Variants in NECAB1 observed in about 807,000 individuals in gnomAD.
NECAB1 encodes N-terminal EF-hand calcium binding protein 1.
In NECAB1, 29 loss-of-function variants were observed where a neutral mutation model predicts 57.5. The ratio of observed to expected loss-of-function variants is 0.50; its 90% CI spans 0.38 to 0.69. The LOEUF (loss-of-function observed/expected upper bound fraction) is 0.69, where lower values mean the gene tolerates loss of function less well. NECAB1 is among the 30% of genes least tolerant of loss of function. The pLI, the probability that NECAB1 is intolerant of heterozygous loss-of-function variation, is 0.00. For missense variants in NECAB1, 372 were observed against 413.8 expected, an observed-to-expected ratio of 0.90 and a Z score of 0.88; for synonymous variants, 142 against 147.7, an observed-to-expected ratio of 0.96 and a Z score of 0.28.
At chr8:90,940,589 T>C (rs1225548598) in intron 9 of NECAB1, 197 bp from the exon 10 acceptor site, 2 of 510,564 alleles carry the variant, frequency 3.9e-6, no homozygotes, top group East Asian at 6.0e-5. Context: ...CTTCTGGGAC[T>C]AGAGGCAAGG....
intron 2 of NECAB1, among the ~76,000 whole-genome samples, chr8:90,823,950 A>G (rs897942895): frequency 1.3e-5 from 2 of 151,630 alleles, no homozygotes; most frequent in African/African-American, 4.8e-5. Context: ...TGTTTCTTCC[A>G]TCTCTGCTGA....
intron 2 of NECAB1, among the ~76,000 whole-genome samples, chr8:90,821,318 C>G (rs923082476): frequency 2.6e-5 from 4 of 151,894 alleles, no homozygotes; most frequent in African/African-American, 9.7e-5. Flanking sequence ...GAAAGCAAGT[C>G]TTATCCACAC....
At chr8:90,867,908 A>G (rs1808550529) in intron 3 of NECAB1, among the ~76,000 whole-genome samples, 2 of 152,002 alleles carry the variant, frequency 1.3e-5, no homozygotes, top group African/African-American at 4.8e-5. Flanking sequence ...GTTTGGCTCT[A>G]TGTCCCCACT....
chr8:90,890,772 C>A (rs148721889), intron 5 of NECAB1, among the ~76,000 whole-genome samples: 1 of 152,110 alleles, frequency 6.6e-6, no homozygotes, highest in African/African-American at 2.4e-5. Context: ...AGTTTATTCA[C>A]GGGTTCAGCA....
intron 8 of NECAB1, among the ~76,000 whole-genome samples, chr8:90,931,903 C>CA (rs1439927683): frequency 2.0e-4 from 29 of 141,790 alleles, no homozygotes; most frequent in Non-Finnish European, 1.5e-5. Flanking sequence ...AACTCCATCT[C>CA]AAAAAAATAA....
At position 90,834,986 on chromosome 8, in the gene NECAB1, CT is replaced by C. The variant is rs1380539475; in HGVS notation, c.233+10175del. Reference sequence around the variant, plus strand: ...TCTCATGAAAGCTTTCCCTGACTTTCTTTTTTTTTTTTTTAAAAAAGAGCCC... The same window carrying C: ...TCTCATGAAAGCTTTCCCTGACTTTCTTTTTTTTTTTTTAAAAAAGAGCCC... On this transcript the variant is annotated intron_variant, in intron 3 of 12. Transcript: ENST00000417640. Among the ~76,000 whole-genome samples the C allele has an allele frequency of 9.8e-3, 1,181 of 120,960 alleles. 5 individuals are homozygous for C. The highest frequency in any genetic ancestry group is 0.014 in the Non-Finnish European group (853 of 59,600). 79.4% of individuals were successfully genotyped at this position (120,960 alleles called of 152,430 possible). A position where few individuals can be genotyped will look rare whatever the true frequency, so the allele number is the denominator to read the frequency against.
chr8:90,922,486 ATT>A lies in NECAB1; in HGVS notation c.495-3026_495-3025del, dbSNP rs577951495. On this transcript the variant is annotated intron_variant, in intron 6 of 12. Transcript: ENST00000417640. ...ACCACCAAAGCTGCCAAAAACTTGG[ATT>A]TTTTTTTTTTTTTTTTTTTTTTGAG... Among the ~76,000 whole-genome samples the A allele has an allele frequency of 2.0e-3, 116 of 57,508 alleles. 1 individual carries two copies. The highest frequency in any genetic ancestry group is 3.7e-3 in the South Asian group (5 of 1,356). 37.7% of individuals were successfully genotyped at this position (57,508 alleles called of 152,430 possible).
intron 3 of NECAB1, among the ~76,000 whole-genome samples, chr8:90,835,213 G>A (rs896278843): frequency 6.6e-6 from 1 of 152,112 alleles, no homozygotes; most frequent in African/African-American, 2.4e-5. Flanking sequence ...ATAGTGTTTA[G>A]CACATATTGC....
chr8:90,868,614 C>T (rs973729467), intron 3 of NECAB1, among the ~76,000 whole-genome samples: 18 of 152,056 alleles, frequency 1.2e-4, no homozygotes, highest in Non-Finnish European at 1.5e-4. Context: ...GGATATCTGG[C>T]GGAAGAAATT....
At chr8:90,891,954 A>C (rs1809186145) in intron 5 of NECAB1, among the ~76,000 whole-genome samples, 1 of 152,114 alleles carries the variant, frequency 6.6e-6, no homozygotes. Flanking sequence ...TTGGCCTCCC[A>C]CATTGCTAGG....
rs1554575442 is a variant in NECAB1, at chr8:90,917,870, A to ATG, written c.494+253_494+254dup. 5.3e-3 allele frequency among the ~76,000 whole-genome samples: 339 copies of ATG among 64,256 alleles called. 8 individuals carry two copies. Among genetic ancestry groups the ATG allele is most frequent in the South Asian group, 6.2e-3 (13 of 2,110 alleles). 42.2% of individuals were successfully genotyped at this position (64,256 alleles called of 152,430 possible). A position where few individuals can be genotyped will look rare whatever the true frequency, so the allele number is the denominator to read the frequency against. The stretch of plus-strand genomic sequence containing the variant: ...TATATATATATATATATATATATAT[A>ATG]TGTGTGTGTGTGCGTGTATATATAT... On this transcript the variant is annotated intron_variant, in intron 6 of 12. Coordinates refer to ENST00000417640, the MANE Select transcript of NECAB1 (RefSeq NM_022351.5).
At chr8:90,805,984 T>A (rs1227699397) in intron 2 of NECAB1, among the ~76,000 whole-genome samples, 2 of 152,186 alleles carry the variant, frequency 1.3e-5, no homozygotes, top group Non-Finnish European at 2.9e-5. Flanking sequence ...TCTCTGCTTC[T>A]ACGAGTTCAA....
chr8:90,792,750 A>G (rs897550854), intron 1 of NECAB1, among the ~76,000 whole-genome samples: 11 of 152,026 alleles, frequency 7.2e-5, no homozygotes, highest in Admixed American at 2.0e-4. Context: ...TGTGGTTTCT[A>G]TCTTTACAGC....
chr8:90,953,238 G>A (rs536438937), intron 12 of NECAB1, among the ~76,000 whole-genome samples: 1 of 152,110 alleles, frequency 6.6e-6, no homozygotes, highest in Non-Finnish European at 1.5e-5. Flanking sequence ...TCAGTGAGGG[G>A]GAAAATGCTA....
rs1389673413 is a variant in NECAB1, at chr8:90,956,943, CGTGTGTGTG to C, written c.*1432_*1440del. ...AATTTTGATATATTGTACATACACA[CGTGTGTGTG>C]TGTGTGTGTGTGTGTGTGTGTGTGT... On this transcript the variant is annotated 3_prime_UTR_variant, in exon 13 of 13. Transcript: ENST00000417640. 1 of 143,344 alleles carries C rather than the reference CGTGTGTGTG, an allele frequency of 7.0e-6. No individual in the cohort carries two copies. The highest frequency in any genetic ancestry group is 2.6e-5 in the African/African-American group (1 of 38,796). The allele number at this position is 143,344 out of a possible 1,614,324, so 8.9% of individuals were successfully genotyped here.
At chr8:90,817,892 G>A (rs1426711979) in intron 2 of NECAB1, among the ~76,000 whole-genome samples, 2 of 151,764 alleles carry the variant, frequency 1.3e-5, no homozygotes, top group Non-Finnish European at 3.0e-5. Flanking sequence ...GCTATCATTT[G>A]TTGCTTACAT....
At chr8:90,908,456 A>T (rs1809748014) in intron 5 of NECAB1, among the ~76,000 whole-genome samples, 1 of 152,158 alleles carries the variant, frequency 6.6e-6, no homozygotes, top group Non-Finnish European at 1.5e-5. Context: ...GCAGTTGAGA[A>T]GATGGCATAT....
At chr8:90,813,734 G>T (rs1033741715) in intron 2 of NECAB1, among the ~76,000 whole-genome samples, 1 of 152,014 alleles carries the variant, frequency 6.6e-6, no homozygotes, top group Admixed American at 6.6e-5. Context: ...TCACTATGTT[G>T]CCCAGGCTGG....
chr8:90,875,299 G>A (rs1447186799), intron 4 of NECAB1, among the ~76,000 whole-genome samples: 22 of 150,676 alleles, frequency 1.5e-4, no homozygotes, highest in Non-Finnish European at 2.8e-4. Flanking sequence ...GGCTAACAAG[G>A]TGAAACCCCG....
Sources: gnomAD v4.1 joint callset for allele counts (sites outside exome capture counted in the v4.1 genomes callset) on GRCh38, gnomAD v4.1.1 for gene constraint, MANE v1.5 for transcripts, NCBI Gene and HGNC (gene_info 2026-07-23, HGNC 2026-07-21) for gene names.